Variants in GALNT18 observed in about 807,000 individuals in gnomAD.
GALNT18 encodes the protein polypeptide N-acetylgalactosaminyltransferase 18.
A neutral mutation model predicts 69.5 loss-of-function variants in GALNT18; 44 were observed. That is an observed-to-expected ratio of 0.63 (90% confidence interval 0.50 to 0.81). The LOEUF (loss-of-function observed/expected upper bound fraction) is 0.81. Ranked by LOEUF, GALNT18 falls within the 40% of genes least tolerant of loss-of-function variation. GALNT18 has a pLI of 0.00. For synonymous variants in GALNT18, 364 were observed against 318.2 expected (o/e 1.14, Z -1.53); for missense variants, 715 against 810.0 (o/e 0.88, Z 1.42).
chr11:11,405,976 C>T (rs10765847), intron 3 of GALNT18, among the ~76,000 whole-genome samples: 1 of 151,980 alleles, frequency 6.6e-6, no homozygotes, highest in Non-Finnish European at 1.5e-5. Context: ...GTCGGCAGTC[C>T]TGCTGGACCA....
At chr11:11,488,919 C>T (rs752784570) in intron 1 of GALNT18, among the ~76,000 whole-genome samples, 2 of 152,194 alleles carry the variant, frequency 1.3e-5, no homozygotes, top group Non-Finnish European at 2.9e-5. Context: ...CTACTGTAGA[C>T]CCCAAGGCCC....
chr11:11,410,849 C>G (rs181555883), intron 3 of GALNT18, among the ~76,000 whole-genome samples: 1 of 152,184 alleles, frequency 6.6e-6, no homozygotes, highest in African/African-American at 2.4e-5. Flanking sequence ...TTAACCCAAG[C>G]TGTTAGCTGT....
At chr11:11,527,760 T>C (rs1005723150) in intron 1 of GALNT18, among the ~76,000 whole-genome samples, 1 of 152,222 alleles carries the variant, frequency 6.6e-6, no homozygotes, top group African/African-American at 2.4e-5. Context: ...AAGCCAGGCA[T>C]CTGCAATGAG....
intron 6 of GALNT18, among the ~76,000 whole-genome samples, chr11:11,343,452 G>A (rs1482224147): frequency 1.3e-5 from 2 of 152,322 alleles, no homozygotes; most frequent in East Asian, 1.9e-4. Context: ...TGATCCCAAA[G>A]AAACTCAACG....
At chr11:11,369,900 G>C (rs573968999) in intron 6 of GALNT18, among the ~76,000 whole-genome samples, 3 of 152,244 alleles carry the variant, frequency 2.0e-5, no homozygotes, top group Admixed American at 2.0e-4. Context: ...ATTACTGCAT[G>C]GCTGTTGCAA....
chr11:11,315,569 G>GT lies in GALNT18; in HGVS notation c.1512+11516dup, dbSNP rs1211530449. On this transcript the variant is annotated intron_variant, in intron 9 of 10. Transcript: ENST00000227756. The surrounding 1 kb of genome is among the most constrained non-coding windows in gnomAD (Gnocchi z 5.6). ...CCTCCGATGTCCCCTTTCTTCACCC[G>GT]TGTAGAGTTTGCTCTTGGGTGAGGC... Among the ~76,000 whole-genome samples, 1 of 152,088 alleles carries GT rather than the reference G, an allele frequency of 6.6e-6. No homozygotes were observed. The highest frequency in any genetic ancestry group is 1.5e-5 in the Non-Finnish European group (1 of 68,002).
rs2133941912 is a variant in GALNT18 at position 11,598,736 on chromosome 11, T to C, written c.235+22623A>G. Among the ~76,000 whole-genome samples the C allele has an allele frequency of 6.6e-6, 1 of 152,356 alleles. No individual in the cohort carries two copies. Among genetic ancestry groups the C allele is most frequent in the African/African-American group, 2.4e-5 (1 of 41,592 alleles). On this transcript the variant is annotated intron_variant, in intron 1 of 10. Coordinates refer to ENST00000227756, the MANE Select transcript of GALNT18 (RefSeq NM_198516.3). The surrounding 1 kb of genome is among the most constrained non-coding windows in gnomAD (Gnocchi z 4.8). ...TTTTCAATATAGACATTTATAGTTA[T>C]ACATTTCCCTTTAAATACTACTTTA...
intron 1 of GALNT18, among the ~76,000 whole-genome samples, chr11:11,522,135 G>A (rs1237554180): frequency 6.6e-6 from 1 of 152,142 alleles, no homozygotes; most frequent in African/African-American, 2.4e-5. Context: ...GAGGCCCCAG[G>A]CCTCTTCTAT....
chr11:11,282,868 AAAAT>A (rs1259891644), intron 10 of GALNT18, among the ~76,000 whole-genome samples: 3 of 152,014 alleles, frequency 2.0e-5, no homozygotes, highest in African/African-American at 4.8e-5. Context: ...GGAAAGCAGA[AAAAT>A]AAATTCCAAA....
intron 3 of GALNT18, among the ~76,000 whole-genome samples, chr11:11,429,040 C>G (rs527593215): frequency 6.6e-6 from 1 of 152,236 alleles, no homozygotes; most frequent in South Asian, 2.1e-4. Context: ...CAAGAATCCT[C>G]GAGGAAAAAT....
intron 1 of GALNT18, among the ~76,000 whole-genome samples, chr11:11,453,453 C>T (rs1425265814): frequency 1.3e-5 from 2 of 152,176 alleles, no homozygotes; most frequent in South Asian, 2.1e-4. Context: ...TCAGTTCCCT[C>T]ACTTCTATGT....
intron 1 of GALNT18, among the ~76,000 whole-genome samples, chr11:11,561,211 G>A (rs146291709): frequency 1.3e-3 from 203 of 152,212 alleles, no homozygotes; most frequent in Middle Eastern, 6.8e-3. Flanking sequence ...GGAGGGGAGG[G>A]AAAAGGGAAA....
Position 11,465,393 on chromosome 11 carries a change from A to G in GALNT18, c.236-16457T>C, listed in dbSNP as rs1254829357. ...CCTTATGGAGCTGTCACTGTGCAGG[A>G]AAACACCAAGGATTACTCAAAGCTT... On this transcript the variant is annotated intron_variant, in intron 1 of 10. Transcript: ENST00000227756. This position sits in a 1 kb window ranked among gnomAD's most constrained non-coding sequence, Gnocchi z 5.7. Among the ~76,000 whole-genome samples the G allele has an allele frequency of 6.6e-6, 1 of 152,164 alleles. No individual in the cohort carries two copies. Among genetic ancestry groups the G allele is most frequent in the Non-Finnish European group, 1.5e-5 (1 of 68,028 alleles).
intron 2 of GALNT18, among the ~76,000 whole-genome samples, chr11:11,446,065 A>C (rs1027554309): frequency 6.6e-6 from 1 of 152,194 alleles, no homozygotes; most frequent in Non-Finnish European, 1.5e-5. Context: ...TGGTGGGCCG[A>C]TGTCAAAGCC....
At chr11:11,349,084 G>A (rs896368648) in intron 6 of GALNT18, among the ~76,000 whole-genome samples, 1 of 152,134 alleles carries the variant, frequency 6.6e-6, no homozygotes, top group African/African-American at 2.4e-5. Flanking sequence ...TTGCCTGTTT[G>A]TGAACGCTAT....
chr11:11,472,034 T>C (rs1279952980), intron 1 of GALNT18, among the ~76,000 whole-genome samples: 3 of 152,104 alleles, frequency 2.0e-5, no homozygotes, highest in African/African-American at 7.2e-5. Flanking sequence ...ACAATTTGGG[T>C]TTTATTTAGG....
Position 11,274,282 on chromosome 11 carries a change from A to AGTTTTT in GALNT18, c.1678-2998_1678-2993dup, listed in dbSNP as rs369746332. On this transcript the variant is annotated intron_variant, in intron 10 of 10. Coordinates refer to ENST00000227756, the MANE Select transcript of GALNT18 (RefSeq NM_198516.3). ...GGGCAGACACTGAGCTAGCTGCAGG[A>AGTTTTT]GTTTTTGTTTTTGTTTTTTTCTCAA... Among the ~76,000 whole-genome samples the AGTTTTT allele has an allele frequency of 2.5e-3, 374 of 152,208 alleles. 2 individuals are homozygous for AGTTTTT. The highest frequency in any genetic ancestry group is 8.6e-3 in the African/African-American group (356 of 41,522).
chr11:11,305,439 A>G (rs1389721415), intron 9 of GALNT18, among the ~76,000 whole-genome samples: 2 of 152,204 alleles, frequency 1.3e-5, no homozygotes, highest in Non-Finnish European at 2.9e-5. Context: ...AATGCAATGC[A>G]TGCTCTTAAG....
At chr11:11,316,069 T>C (rs939622250) in intron 9 of GALNT18, among the ~76,000 whole-genome samples, 24 of 152,128 alleles carry the variant, frequency 1.6e-4, no homozygotes, top group African/African-American at 4.8e-4. Flanking sequence ...CCCTAAATAA[T>C]GCAGAGCTGG....
Sources: allele counts gnomAD v4.1 joint callset (sites outside exome capture counted in the v4.1 genomes callset), GRCh38; gene constraint gnomAD v4.1.1; non-coding constraint Gnocchi (gnomAD v3.1); transcripts MANE v1.5; gene names NCBI Gene and HGNC (gene_info 2026-07-23, HGNC 2026-07-21).